EFCAB6: variants seen among roughly 807,000 people sequenced by gnomAD.
EFCAB6 encodes EF-hand calcium-binding domain-containing protein 6.
EFCAB6 carries 156 observed loss-of-function variants against 169.8 expected under a neutral mutation model. The observed-to-expected ratio is 0.92, with a 90% CI of 0.81 to 1.05. The LOEUF (loss-of-function observed/expected upper bound fraction) is 1.05, where lower values mean the gene tolerates loss of function less well. EFCAB6 is among the 50% of genes least tolerant of loss of function. EFCAB6 has a pLI of 0.00. For synonymous variants in EFCAB6, 698 were observed against 676.4 expected (o/e 1.03, Z -0.50); for missense variants, 1,800 against 1,829.1 (o/e 0.98, Z 0.29).
intron 6 of EFCAB6, among the ~76,000 whole-genome samples, chr22:43,742,405 A>G (rs2060407452): frequency 6.6e-6 from 1 of 152,178 alleles, no homozygotes; most frequent in Non-Finnish European, 1.5e-5. Flanking sequence ...CTTTATGGAA[A>G]AAGTTCACTG....
intron 17 of EFCAB6, among the ~76,000 whole-genome samples, 165 bp downstream of exon 17, chr22:43,666,939 T>C (rs150912957): frequency 1.8e-4 from 26 of 146,868 alleles, no homozygotes; most frequent in Non-Finnish European, 3.8e-4. Flanking sequence ...AATGTGCCAA[T>C]GACAATTTTT....
intron 11 of EFCAB6, among the ~76,000 whole-genome samples, chr22:43,685,904 T>C (rs1438834323): frequency 1.3e-5 from 2 of 152,216 alleles, no homozygotes; most frequent in Non-Finnish European, 2.9e-5. Context: ...TTGTGTAAAG[T>C]GGCCTCTGAA....
At chr22:43,762,762 G>GA (rs571231594) in intron 5 of EFCAB6, among the ~76,000 whole-genome samples, 4 of 152,052 alleles carry the variant, frequency 2.6e-5, no homozygotes, top group South Asian at 2.1e-4. Context: ...TCACAATAAG[G>GA]AAAAAAAGGC....
chr22:43,569,634 G>T (rs538050070), intron 26 of EFCAB6, among the ~76,000 whole-genome samples: 16 of 152,330 alleles, frequency 1.1e-4, no homozygotes, highest in African/African-American at 3.8e-4. Context: ...GCGTGGCACA[G>T]GGGGCCTAGC....
intron 15 of EFCAB6, among the ~76,000 whole-genome samples, chr22:43,671,272 G>A (rs1301935882): frequency 3.3e-5 from 5 of 152,132 alleles, no homozygotes; most frequent in Non-Finnish European, 5.9e-5. Context: ...GGCAATCTCG[G>A]CTCACTGCAA....
At chr22:43,532,192 G>C (rs1358777008) in intron 30 of EFCAB6, 1 of 152,402 alleles carries the variant, frequency 6.6e-6, no homozygotes, top group East Asian at 1.9e-4. Context: ...TGGGAGGGGC[G>C]GGGGGAGAGT....
chr22:43,547,516 A>C (rs926944132), intron 27 of EFCAB6, among the ~76,000 whole-genome samples: 6 of 146,138 alleles, frequency 4.1e-5, no homozygotes, highest in South Asian at 2.2e-4. Flanking sequence ...GAGGCAGGTG[A>C]ATCACTTGAG....
intron 3 of EFCAB6, among the ~76,000 whole-genome samples, chr22:43,778,492 G>T: frequency 6.6e-6 from 1 of 152,210 alleles, no homozygotes; most frequent in Non-Finnish European, 1.5e-5. Context: ...TTAAATCAGG[G>T]CCACAGGGTG....
intron 17 of EFCAB6, among the ~76,000 whole-genome samples, chr22:43,638,027 C>T (rs953145043): frequency 6.6e-6 from 1 of 152,172 alleles, no homozygotes; most frequent in Non-Finnish European, 1.5e-5. Context: ...CCCAGGCCCT[C>T]AGCAGCCTGT....
At chr22:43,739,849 T>C (rs1380185549) in intron 6 of EFCAB6, among the ~76,000 whole-genome samples, 2 of 149,786 alleles carry the variant, frequency 1.3e-5, no homozygotes, top group Non-Finnish European at 3.0e-5. Flanking sequence ...GCCTCCACAC[T>C]TGACTCCACG....
intron 4 of EFCAB6, among the ~76,000 whole-genome samples, chr22:43,770,299 C>T (rs530928862): frequency 8.6e-4 from 131 of 152,306 alleles, no homozygotes; most frequent in African/African-American, 3.0e-3. Flanking sequence ...CCACACCTGA[C>T]CTACTCACAG....
At chr22:43,772,815 G>A in intron 4 of EFCAB6, 77 bp downstream of exon 4, 1 of 1,524,524 alleles carries the variant, frequency 6.6e-7, no homozygotes, top group Non-Finnish European at 9.0e-7. Flanking sequence ...ACAAAGACAG[G>A]AGAGGTTACC....
chr22:43,717,349 CATAA>C (rs1187695590), intron 8 of EFCAB6, among the ~76,000 whole-genome samples: 1 of 145,568 alleles, frequency 6.9e-6, no homozygotes, highest in African/African-American at 2.5e-5. Flanking sequence ...AGTTTGACAA[CATAA>C]ATACTTGATT....
chr22:43,667,953 T>A (rs1327812763), intron 16 of EFCAB6, among the ~76,000 whole-genome samples: 1 of 152,180 alleles, frequency 6.6e-6, no homozygotes, highest in Non-Finnish European at 1.5e-5. Flanking sequence ...TGGACTTCTA[T>A]TCCTTCCCCG....
chr22:43,772,126 GC>G (rs2061490392), intron 4 of EFCAB6, among the ~76,000 whole-genome samples: 3 of 152,224 alleles, frequency 2.0e-5, no homozygotes, highest in African/African-American at 7.2e-5. Context: ...CCCTGTCGTG[GC>G]CCCTCTCCCA....
In EFCAB6 at chr22:43,779,214, T is replaced by C. The variant is rs560298303; in HGVS notation, c.139+2966A>G. Among the ~76,000 whole-genome samples the C allele has an allele frequency of 3.9e-5, 6 of 152,308 alleles. No homozygotes were observed. In the East Asian group the frequency reaches 1.2e-3, roughly 29 times the overall value. On this transcript the variant is annotated intron_variant, in intron 3 of 31. Transcript: ENST00000262726. Reference sequence around the variant, plus strand: ...TGTACATGCTAGAAAAAAGAACTCGTGACTATGAACTCAGGTCTATAGAAA... The same window carrying C: ...TGTACATGCTAGAAAAAAGAACTCGCGACTATGAACTCAGGTCTATAGAAA...
chr22:43,727,981 G>A (rs1432666753), intron 8 of EFCAB6, among the ~76,000 whole-genome samples: 1 of 151,838 alleles, frequency 6.6e-6, no homozygotes, highest in Admixed American at 6.6e-5. Flanking sequence ...GTGCCATGGT[G>A]GTTTGCTGCA....
intron 21 of EFCAB6, among the ~76,000 whole-genome samples, chr22:43,609,932 G>A (rs923504505): frequency 6.6e-6 from 1 of 152,168 alleles, no homozygotes; most frequent in East Asian, 1.9e-4. Context: ...TGCTCAGATC[G>A]GCCAGGGGAA....
intron 23 of EFCAB6, among the ~76,000 whole-genome samples, chr22:43,596,339 A>T (rs1003444492): frequency 3.3e-5 from 5 of 152,004 alleles, no homozygotes; most frequent in African/African-American, 9.6e-5. Flanking sequence ...TTTTATATTT[A>T]AAAAAAACCT....
Sources: gnomAD v4.1 joint callset for allele counts (sites outside exome capture counted in the v4.1 genomes callset) on GRCh38, gnomAD v4.1.1 for gene constraint, MANE v1.5 for transcripts, NCBI Gene and HGNC (gene_info 2026-07-23, HGNC 2026-07-21) for gene names.